Variants in SLC24A2 observed in about 807,000 individuals in gnomAD.
SLC24A2 encodes the protein solute carrier family 24 member 2.
Under a neutral mutation model 62.0 loss-of-function variants are expected in SLC24A2, and 36 were observed. The observed-to-expected ratio is 0.58, with a 90% CI of 0.44 to 0.77. SLC24A2 has a LOEUF of 0.77. SLC24A2 is among the 30% of genes least tolerant of loss of function. The pLI is 0.00. For missense variants in SLC24A2, 846 were observed against 817.9 expected, an observed-to-expected ratio of 1.03 and a Z score of -0.42; for synonymous variants, 358 against 294.0, an observed-to-expected ratio of 1.22 and a Z score of -2.23.
chr9:20,212,201 G>A, the SLC24A2 span, among the ~76,000 whole-genome samples: 1 of 151,610 alleles, frequency 6.6e-6, no homozygotes, highest in African/African-American at 2.4e-5. Context: ...GAAAATTCAA[G>A]ACAATAGGCA....
the SLC24A2 span, among the ~76,000 whole-genome samples, chr9:20,102,298 T>C: frequency 6.6e-6 from 1 of 150,740 alleles, no homozygotes; most frequent in African/African-American, 2.5e-5. Context: ...CACCACAGAA[T>C]ACTATGCAGC....
chr9:19,755,868 T>A (rs1157587628), intron 2 of SLC24A2, among the ~76,000 whole-genome samples: 2 of 152,216 alleles, frequency 1.3e-5, no homozygotes, highest in African/African-American at 2.4e-5. Context: ...CGGCACTGAT[T>A]TTACCTTTCC....
the SLC24A2 span, among the ~76,000 whole-genome samples, chr9:20,024,558 G>C: frequency 6.6e-6 from 1 of 152,152 alleles, no homozygotes; most frequent in Admixed American, 6.5e-5. Flanking sequence ...GCTACCTGTG[G>C]CATTGGGAAC....
chr9:19,786,858 C>G lies in SLC24A2; in HGVS notation c.9G>C (p.Leu3=), dbSNP rs754087079. The G allele has an allele frequency of 1.9e-6, 3 of 1,609,648 alleles. No individual in the cohort carries two copies. Among genetic ancestry groups the G allele is most frequent in the Non-Finnish European group, 2.5e-6 (3 of 1,179,940 alleles). The change falls in exon 2 of 11, where the codon CTG becomes CTC. Residue 3 remains leucine (L), a synonymous_variant. Coordinates refer to ENST00000341998, the MANE Select transcript of SLC24A2 (RefSeq NM_020344.4). This position sits in a 1 kb window ranked among gnomAD's most constrained non-coding sequence, Gnocchi z 5.0. The part of the protein sequence containing the change: MD[L]QQSTTITSLE... ...GGGAAGTGATGGTGGTGCTTTGTTG[C>G]AGATCCATCCTGGGTCTTCTGGTGG...
At chr9:19,619,960 T>C (rs1157027748) in intron 3 of SLC24A2, among the ~76,000 whole-genome samples, 1 of 152,208 alleles carries the variant, frequency 6.6e-6, no homozygotes, top group East Asian at 1.9e-4. Flanking sequence ...CCTTCATTTA[T>C]CTTATTTGCA....
chr9:19,985,343 T>C, the SLC24A2 span, among the ~76,000 whole-genome samples: 1,248 of 152,210 alleles, frequency 8.2e-3, 16 homozygotes, highest in African/African-American at 0.028. Context: ...CAAAAGTCCA[T>C]TGACAAGGGA....
rs908634617 is a variant in SLC24A2 at position 19,631,958 on chromosome 9, G to C, written c.931-9659C>G. ...CTCTGTTTTGGCTGGTGAAAGGGTT[G>C]AATGGAATAGGCCCACCATGCAGTG... On this transcript the variant is annotated intron_variant, in intron 2 of 10. Coordinates refer to ENST00000341998, the MANE Select transcript of SLC24A2 (RefSeq NM_020344.4). Among the ~76,000 whole-genome samples, 3 of 152,160 alleles carry C rather than the reference G, an allele frequency of 2.0e-5. No homozygotes were observed. The East Asian group carries it at 5.8e-4, about 29-fold the overall frequency.
At chr9:20,151,757 A>G in the SLC24A2 span, among the ~76,000 whole-genome samples, 2 of 151,886 alleles carry the variant, frequency 1.3e-5, no homozygotes, top group Admixed American at 6.6e-5. Context: ...TCAGCTCTCA[A>G]TACTACATAT....
At chr9:19,756,902 GC>G (rs1822156682) in intron 2 of SLC24A2, among the ~76,000 whole-genome samples, 1 of 42,346 alleles carries the variant, frequency 2.4e-5, no homozygotes, top group East Asian at 9.0e-4. Context: ...TTTTACTGAA[GC>G]TTTTTTTTTT....
At chr9:20,006,026 C>T in the SLC24A2 span, among the ~76,000 whole-genome samples, 1 of 151,642 alleles carries the variant, frequency 6.6e-6, no homozygotes, top group Non-Finnish European at 1.5e-5. Flanking sequence ...TGCTTATGTA[C>T]ACACAAACAT....
chr9:20,218,858 A>C, the SLC24A2 span, among the ~76,000 whole-genome samples: 1 of 152,284 alleles, frequency 6.6e-6, no homozygotes, highest in East Asian at 1.9e-4. Context: ...ACCGAGTCTC[A>C]TCAGGCTGCA....
chr9:20,222,813 T>C, the SLC24A2 span, among the ~76,000 whole-genome samples: 1 of 152,080 alleles, frequency 6.6e-6, no homozygotes, highest in Non-Finnish European at 1.5e-5. Context: ...GAATTATAAA[T>C]GATAAGGGAA....
chr9:19,734,185 C>G (rs1445612015), intron 2 of SLC24A2, among the ~76,000 whole-genome samples: 5 of 151,966 alleles, frequency 3.3e-5, no homozygotes, highest in Admixed American at 3.3e-4. Flanking sequence ...TGTCAAAGAT[C>G]AGATAGTTGT....
At chr9:19,556,143 T>C (rs1282981283) in intron 7 of SLC24A2, among the ~76,000 whole-genome samples, 1 of 152,222 alleles carries the variant, frequency 6.6e-6, no homozygotes, top group Non-Finnish European at 1.5e-5. Context: ...AGCTTGCCTT[T>C]ATTTTTATCT....
chr9:19,619,524 G>C (rs1289262334), intron 4 of SLC24A2, 60 bp downstream of exon 4: 3 of 1,280,024 alleles, frequency 2.3e-6, no homozygotes, highest in Non-Finnish European at 3.4e-6. Context: ...TTTATGCAGA[G>C]AAGCCTTTTG....
Position 19,599,677 on chromosome 9 carries a change from A to T in SLC24A2, c.1079-2398T>A, listed in dbSNP as rs115917864. Among the ~76,000 whole-genome samples, 1 of 152,178 alleles carries T rather than the reference A, an allele frequency of 6.6e-6. No individual in the cohort carries two copies. The highest frequency in any genetic ancestry group is 2.4e-5 in the African/African-American group (1 of 41,438). ...GCCCTCCTCCCTGAAGCAGGGACTC[A>T]GGAGGTGCAGAAAGAGAAATGACAT... On this transcript the variant is annotated intron_variant, in intron 4 of 10. Transcript: ENST00000341998. The surrounding 1 kb of genome is among the most constrained non-coding windows in gnomAD (Gnocchi z 4.5).
chr9:19,739,824 T>C (rs1013740496), intron 2 of SLC24A2, among the ~76,000 whole-genome samples: 1 of 152,106 alleles, frequency 6.6e-6, no homozygotes, highest in African/African-American at 2.4e-5. Context: ...TTGGACTACG[T>C]TAAAACTAAG....
intron 2 of SLC24A2, among the ~76,000 whole-genome samples, chr9:19,675,529 T>C (rs4601420): frequency 0.029 from 4,482 of 152,224 alleles, 240 homozygotes; most frequent in African/African-American, 0.1. Flanking sequence ...TGCGGCTTGC[T>C]GTGCTGTTGC....
the SLC24A2 span, among the ~76,000 whole-genome samples, chr9:20,056,806 A>T: frequency 6.6e-6 from 1 of 152,000 alleles, no homozygotes; most frequent in Non-Finnish European, 1.5e-5. Flanking sequence ...GCAATGTAAC[A>T]TGAGGGAAAG....
Sources: allele counts gnomAD v4.1 joint callset (sites outside exome capture counted in the v4.1 genomes callset), GRCh38; gene constraint gnomAD v4.1.1; non-coding constraint Gnocchi (gnomAD v3.1); transcripts MANE v1.5; gene names NCBI Gene and HGNC (gene_info 2026-07-23, HGNC 2026-07-21).